Variants in KCNAB2 observed in about 807,000 individuals in gnomAD.
KCNAB2 encodes voltage-gated potassium channel subunit beta-2.
Under a neutral mutation model 63.6 loss-of-function variants are expected in KCNAB2, and 29 were observed. The ratio of observed to expected loss-of-function variants is 0.46; its 90% CI spans 0.34 to 0.62. KCNAB2 has a LOEUF of 0.62. Among genes scored for constraint, KCNAB2 ranks in the 20% least tolerant of loss-of-function variants. The probability of loss-of-function intolerance (pLI) is 0.01; values close to 1 mark genes in which losing one functional copy is unlikely to be tolerated. For synonymous variants in KCNAB2, 222 were observed against 224.2 expected (o/e 0.99, Z 0.09); for missense variants, 359 against 563.9 (o/e 0.64, Z 3.68).
intron 2 of KCNAB2, among the ~76,000 whole-genome samples, chr1:6,067,711 C>T (rs1662871631): frequency 6.6e-6 from 1 of 152,190 alleles, no homozygotes; most frequent in South Asian, 2.1e-4. Context: ...CTGGGGTTTA[C>T]ATCTTTTGTT....
rs372743901 is a variant in KCNAB2, at chr1:6,099,366, T to G, written c.*792T>G. ...CCACCGTCTTCCTCCTACACACCAATGATGAGCCTCATGCCAGTGAGGCCC... is the reference window on the plus strand; with the variant it reads ...CCACCGTCTTCCTCCTACACACCAAGGATGAGCCTCATGCCAGTGAGGCCC... On this transcript the variant is annotated 3_prime_UTR_variant, in exon 16 of 16. Transcript: ENST00000378083. The G allele has an allele frequency of 1.4e-4, 22 of 161,660 alleles. No homozygotes were observed. Among genetic ancestry groups the G allele is most frequent in the African/African-American group, 5.0e-4 (21 of 41,840 alleles). 10.0% of individuals were successfully genotyped at this position (161,660 alleles called of 1,614,324 possible).
chr1:6,054,757 A>G (rs1661668211), intron 2 of KCNAB2, among the ~76,000 whole-genome samples: 1 of 152,218 alleles, frequency 6.6e-6, no homozygotes, highest in Admixed American at 6.5e-5. Context: ...GAAAGTGACC[A>G]ATTAGAGGCT....
At chr1:6,053,989 G>A (rs1042767479) in intron 2 of KCNAB2, among the ~76,000 whole-genome samples, 2 of 151,110 alleles carry the variant, frequency 1.3e-5, no homozygotes, top group Non-Finnish European at 2.9e-5. Context: ...GCTGCAGTGA[G>A]CCCTATTTGT....
At chr1:6,030,624 T>C (rs1659533156), upstream of KCNAB2, among the ~76,000 whole-genome samples, 1 of 150,406 alleles carries the variant, frequency 6.6e-6, no homozygotes, top group Non-Finnish European at 1.5e-5. Flanking sequence ...TAGGTATGTG[T>C]GTATGTGTGT....
chr1:6,036,076 G>A (rs1242753484), intron 1 of KCNAB2: 2 of 152,288 alleles, frequency 1.3e-5, no homozygotes, highest in Non-Finnish European at 2.9e-5. Flanking sequence ...GGAGTGGTGA[G>A]GGCAGAGGCT....
chr1:6,056,735 C>A (rs1339921144), intron 2 of KCNAB2, among the ~76,000 whole-genome samples: 1 of 152,216 alleles, frequency 6.6e-6, no homozygotes, highest in African/African-American at 2.4e-5. Context: ...CTTCTGTATC[C>A]CCAAAGGGGA....
chr1:6,067,874 T>C (rs1300088662), intron 2 of KCNAB2, among the ~76,000 whole-genome samples: 1 of 151,970 alleles, frequency 6.6e-6, no homozygotes, highest in African/African-American at 2.4e-5. Context: ...TACCAAAAAA[T>C]ACAAAAATTA....
In KCNAB2 at chr1:6,100,315, G is replaced by A. The variant is rs539267599; in HGVS notation, c.*1741G>A. The A allele has an allele frequency of 3.9e-5, 14 of 363,406 alleles. No individual in the cohort carries two copies. The South Asian group carries it at 5.0e-4, about 13-fold the overall frequency. 22.5% of individuals were successfully genotyped at this position (363,406 alleles called of 1,614,324 possible). A position where few individuals can be genotyped will look rare whatever the true frequency, so the allele number is the denominator to read the frequency against. ...TGCCCCTCCTCATAGACCAAGTCCCGGGGGTCTCCACTCAGTCCTGCTGCC... is the reference window on the plus strand; with the variant it reads ...TGCCCCTCCTCATAGACCAAGTCCCAGGGGTCTCCACTCAGTCCTGCTGCC... On this transcript the variant is annotated 3_prime_UTR_variant, in exon 16 of 16. Transcript: ENST00000378083.
chr1:6,024,164 A>T lies in KCNAB2; in HGVS notation c.-52-16353A>T, dbSNP rs1489379898. On this transcript the variant is annotated intron_variant, in intron 1 of 16. Coordinates refer to the KCNAB2 transcript ENST00000341524. This position sits in a 1 kb window ranked among gnomAD's most constrained non-coding sequence, Gnocchi z 5.4. ...ACCATGTTGGTCAGGCTGGTCTCGA[A>T]CTCCTGACCTCAGGTGATCCACCCA... Among the ~76,000 whole-genome samples, 21 of 151,782 alleles carry T rather than the reference A, an allele frequency of 1.4e-4. No individual in the cohort carries two copies. In the East Asian group the frequency reaches 2.9e-3, roughly 21 times the overall value.
At position 6,024,091 on chromosome 1, in the gene KCNAB2, A is replaced by G. The variant is rs536018231; in HGVS notation, c.-52-16426A>G. ...CGAGTAGCTGGGATTACAGGCGCCC[A>G]CCACCATGTCCAGCTAATTTTTGTA... is the stretch of plus-strand genomic sequence containing the variant. On this transcript the variant is annotated intron_variant, in intron 1 of 16. Transcript: ENST00000341524. The surrounding 1 kb of genome is among the most constrained non-coding windows in gnomAD (Gnocchi z 5.4). 6.6e-6 allele frequency among the ~76,000 whole-genome samples: 1 copy of G among 152,076 alleles called. No homozygotes were observed. Among genetic ancestry groups the G allele is most frequent in the South Asian group, 2.1e-4 (1 of 4,800 alleles).
intron 9 of KCNAB2, among the ~76,000 whole-genome samples, 200 bp downstream of exon 9, chr1:6,090,675 C>T (rs889673136): frequency 1.3e-5 from 2 of 152,130 alleles, no homozygotes; most frequent in East Asian, 1.9e-4. Context: ...GCAGACCCCT[C>T]GCCAGGTGCA....
In KCNAB2 at chr1:6,073,902, TTTG is replaced by T; in HGVS notation, c.300+134_300+136del. On this transcript the variant is annotated intron_variant, in intron 4 of 15. Coordinates refer to ENST00000378083, the MANE Select transcript of KCNAB2 (RefSeq NM_001199862.2). This position sits in a 1 kb window ranked among gnomAD's most constrained non-coding sequence, Gnocchi z 5.7. ...CAGCAGCCTCCCTCCCTCTTTCTGT[TTTG>T]TGAGGGCGCCCTGCCCCAGGGGAGA... is the stretch of plus-strand genomic sequence containing the variant. 1.1e-6 allele frequency: 1 copy of T among 914,972 alleles called. No individual in the cohort carries two copies. Among genetic ancestry groups the T allele is most frequent in the Non-Finnish European group, 1.8e-6 (1 of 570,554 alleles). 56.7% of individuals were successfully genotyped at this position (914,972 alleles called of 1,614,324 possible). A position where few individuals can be genotyped will look rare whatever the true frequency, so the allele number is the denominator to read the frequency against.
intron 1 of KCNAB2, among the ~76,000 whole-genome samples, chr1:6,014,693 G>T (rs1043571931): frequency 2.0e-5 from 3 of 152,190 alleles, no homozygotes; most frequent in African/African-American, 7.2e-5. Flanking sequence ...AGAAGTCACA[G>T]TTACCAGCAG....
Position 6,077,895 on chromosome 1 carries a change from C to T in KCNAB2, c.300+4125C>T, listed in dbSNP as rs570908555. Among the ~76,000 whole-genome samples the T allele has an allele frequency of 8.0e-4, 122 of 152,346 alleles. 1 individual carries two copies. The highest frequency in any genetic ancestry group is 1.4e-3 in the Non-Finnish European group (95 of 68,030). ...CGAACAGCATGCTGTGGAGAGGGTG[C>T]GAGCTGCCTGTGGCTGCTGTAACAA... On this transcript the variant is annotated intron_variant, in intron 4 of 15. Coordinates refer to ENST00000378083, the MANE Select transcript of KCNAB2 (RefSeq NM_001199862.2).
intron 2 of KCNAB2, among the ~76,000 whole-genome samples, chr1:6,057,915 C>G (rs1661978147): frequency 6.6e-6 from 1 of 152,192 alleles, no homozygotes; most frequent in Non-Finnish European, 1.5e-5. Context: ...TCTTGGGAGG[C>G]TGAGGCAAGT....
chr1:6,093,676 C>T (rs990872706), intron 10 of KCNAB2, among the ~76,000 whole-genome samples: 1 of 152,224 alleles, frequency 6.6e-6, no homozygotes, highest in East Asian at 1.9e-4. Flanking sequence ...GCACCCAGAC[C>T]CCTGTGGCCC....
intron 5 of KCNAB2, among the ~76,000 whole-genome samples, chr1:6,084,558 G>A (rs1229944520): frequency 6.6e-6 from 1 of 152,242 alleles, no homozygotes; most frequent in African/African-American, 2.4e-5. Context: ...GCTCACGCCT[G>A]GAATCCCAGC....
At position 6,071,848 on chromosome 1, in the gene KCNAB2, C is replaced by T. The variant is rs967985216; in HGVS notation, c.219-907C>T. ...CTGCCGCATAGGGCACCTCCTGCCG[C>T]GAGGGCACCTCCTGCCGCGTGGGCT... On this transcript the variant is annotated intron_variant, in intron 2 of 15. Transcript: ENST00000378083. This position sits in a 1 kb window ranked among gnomAD's most constrained non-coding sequence, Gnocchi z 8.5. 3.4e-5 allele frequency among the ~76,000 whole-genome samples: 5 copies of T among 149,224 alleles called. No homozygotes were observed. Among genetic ancestry groups the T allele is most frequent in the Admixed American group, 6.6e-5 (1 of 15,054 alleles).
intron 1 of KCNAB2, among the ~76,000 whole-genome samples, chr1:6,050,356 G>A (rs1265330356): frequency 2.0e-5 from 3 of 152,234 alleles, no homozygotes; most frequent in African/African-American, 7.2e-5. Context: ...CGAGGCTGCA[G>A]TCAGGTGGGG....
Sources: gnomAD v4.1 joint callset for allele counts (sites outside exome capture counted in the v4.1 genomes callset) on GRCh38, gnomAD v4.1.1 for gene constraint, Gnocchi (gnomAD v3.1) non-coding constraint, MANE v1.5 for transcripts, NCBI Gene and HGNC (gene_info 2026-07-23, HGNC 2026-07-21) for gene names.